The following HDAC9 variants were observed in gnomAD, a reference collection of about 807,000 sequenced individuals.
HDAC9 encodes histone deacetylase 9.
In HDAC9, 41 loss-of-function variants were observed where a neutral mutation model predicts 139.4. That is an observed-to-expected ratio of 0.29 (90% CI 0.23 to 0.38). The LOEUF (loss-of-function observed/expected upper bound fraction) is 0.38, where lower values mean the gene tolerates loss of function less well. HDAC9 is among the 10% of genes least tolerant of loss of function. The pLI is 1.00. For synonymous variants in HDAC9, 517 were observed against 476.2 expected, an observed-to-expected ratio of 1.09 and a Z score of -1.12; for missense variants, 1,147 against 1,297.0, an observed-to-expected ratio of 0.88 and a Z score of 1.78.
intron 2 of HDAC9, among the ~76,000 whole-genome samples, chr7:18,177,088 C>T (rs1324838534): frequency 1.3e-5 from 2 of 152,184 alleles, no homozygotes; most frequent in Non-Finnish European, 2.9e-5. Context: ...TGATAATCCG[C>T]CTACCCATCT....
intron 22 of HDAC9, among the ~76,000 whole-genome samples, chr7:18,922,143 G>T (rs961335613): frequency 2.6e-5 from 4 of 151,692 alleles, no homozygotes; most frequent in African/African-American, 9.7e-5. Context: ...ACGAGTTAAT[G>T]GGTGCAGCAC....
At chr7:18,995,336 C>A (rs1039327286) in intron 25 of HDAC9, among the ~76,000 whole-genome samples, 5 of 152,166 alleles carry the variant, frequency 3.3e-5, no homozygotes, top group African/African-American at 1.2e-4. Flanking sequence ...AATTAAAAGT[C>A]ATTCTAAAAG....
At chr7:18,814,161 T>C (rs74449405) in intron 17 of HDAC9, among the ~76,000 whole-genome samples, 5,076 of 152,278 alleles carry the variant, frequency 0.033, 262 homozygotes, top group African/African-American at 0.11. Context: ...CTTGCTGAGC[T>C]TTTCTCAGTA....
intron 12 of HDAC9, among the ~76,000 whole-genome samples, chr7:18,676,216 T>C (rs529221359): frequency 6.6e-6 from 1 of 152,024 alleles, no homozygotes; most frequent in Admixed American, 6.6e-5. Context: ...CTTATTTTTA[T>C]TTTTATAGCC....
intron 2 of HDAC9, among the ~76,000 whole-genome samples, chr7:18,179,104 AT>A (rs1343830935): frequency 6.6e-6 from 1 of 152,112 alleles, no homozygotes; most frequent in Non-Finnish European, 1.5e-5. Context: ...CAGGAAGCTT[AT>A]TTTTCTAAAG....
chr7:18,254,021 G>T (rs140133486), intron 2 of HDAC9, among the ~76,000 whole-genome samples: 10 of 152,322 alleles, frequency 6.6e-5, no homozygotes, highest in South Asian at 6.2e-4. Context: ...CACTGCTTCT[G>T]CCATAGTGTT....
At chr7:18,983,906 C>T (rs1345281029) in intron 25 of HDAC9, among the ~76,000 whole-genome samples, 2 of 152,040 alleles carry the variant, frequency 1.3e-5, no homozygotes, top group East Asian at 3.9e-4. Context: ...TTTATCCTGT[C>T]CTCTACCTTC....
rs543714090 is a variant in HDAC9, at chr7:18,735,416, GGT to G, written c.1909+7662_1909+7663del. 8.4e-3 allele frequency among the ~76,000 whole-genome samples: 1,273 copies of G among 152,214 alleles called. 17 individuals carry two copies. Among genetic ancestry groups the G allele is most frequent in the African/African-American group, 0.029 (1,219 of 41,502 alleles). Reference sequence around the variant, plus strand: ...CCATCCTGAGTTAATTTTTGTATAAGGTGTAAGGAAGGGATCCAGTTCAGCTT... The same window carrying G: ...CCATCCTGAGTTAATTTTTGTATAAGGTAAGGAAGGGATCCAGTTCAGCTT... On this transcript the variant is annotated intron_variant, in intron 13 of 25. Coordinates refer to ENST00000686413, the MANE Select transcript of HDAC9 (RefSeq NM_178425.4).
At chr7:18,934,043 A>G (rs943109718) in intron 22 of HDAC9, among the ~76,000 whole-genome samples, 9 of 152,160 alleles carry the variant, frequency 5.9e-5, no homozygotes, top group African/African-American at 2.2e-4. Flanking sequence ...ATGTCCACCT[A>G]CATCTATGTG....
chr7:18,812,879 C>G (rs775135790), intron 17 of HDAC9, among the ~76,000 whole-genome samples: 6 of 151,888 alleles, frequency 4.0e-5, no homozygotes, highest in Non-Finnish European at 8.8e-5. Flanking sequence ...TTTTCTTGCC[C>G]TGTCTTTAAA....
chr7:18,125,261 T>A (rs556208141), intron 1 of HDAC9, among the ~76,000 whole-genome samples: 28 of 151,920 alleles, frequency 1.8e-4, no homozygotes, highest in African/African-American at 6.8e-4. Flanking sequence ...GCAGTGCAAG[T>A]GAAGATCAAG....
At chr7:18,520,795 A>G (rs1804791159) in intron 2 of HDAC9, among the ~76,000 whole-genome samples, 1 of 152,204 alleles carries the variant, frequency 6.6e-6, no homozygotes, top group South Asian at 2.1e-4. Context: ...TTTATGAAAG[A>G]AGATAGCCCA....
At chr7:18,969,108 G>A (rs2129333572) in intron 24 of HDAC9, among the ~76,000 whole-genome samples, 1 of 152,002 alleles carries the variant, frequency 6.6e-6, no homozygotes, top group African/African-American at 2.4e-5. Flanking sequence ...GCATGTACAG[G>A]AGTTTCCTTA....
At chr7:18,413,007 TTAAC>T (rs1407659639) in intron 1 of HDAC9, among the ~76,000 whole-genome samples, 2 of 152,218 alleles carry the variant, frequency 1.3e-5, no homozygotes, top group East Asian at 1.9e-4. Context: ...CATCTTTAGA[TTAAC>T]TAATTAAAAA....
At chr7:18,565,922 T>A (rs529767647) in intron 2 of HDAC9, among the ~76,000 whole-genome samples, 65 of 152,250 alleles carry the variant, frequency 4.3e-4, no homozygotes, top group African/African-American at 1.5e-3. Context: ...AATTTTCTGT[T>A]TCTTTATTAA....
intron 12 of HDAC9, among the ~76,000 whole-genome samples, chr7:18,718,814 G>A (rs1183990960): frequency 1.3e-5 from 2 of 152,128 alleles, no homozygotes; most frequent in Non-Finnish European, 2.9e-5. Context: ...GGGTCATAGG[G>A]TAACTTTATA....
At chr7:18,132,476 A>C (rs1279927581) in intron 1 of HDAC9, among the ~76,000 whole-genome samples, 2 of 152,044 alleles carry the variant, frequency 1.3e-5, no homozygotes, top group African/African-American at 4.8e-5. Context: ...GCGGGTGATC[A>C]CAGCTTATTG....
intron 1 of HDAC9, among the ~76,000 whole-genome samples, chr7:18,418,813 G>T (rs1184825788): frequency 1.3e-5 from 2 of 151,992 alleles, no homozygotes; most frequent in African/African-American, 4.8e-5. Flanking sequence ...GTACAAGAGG[G>T]GGTGCATGCT....
At chr7:18,180,030 C>T in intron 2 of HDAC9, among the ~76,000 whole-genome samples, 1 of 152,116 alleles carries the variant, frequency 6.6e-6, no homozygotes. Flanking sequence ...TCACAATTTC[C>T]AGATTTGTCT....
Sources: gnomAD v4.1 joint callset for allele counts (sites outside exome capture counted in the v4.1 genomes callset) on GRCh38, gnomAD v4.1.1 for gene constraint, MANE v1.5 for transcripts, NCBI Gene and HGNC (gene_info 2026-07-23, HGNC 2026-07-21) for gene names.